MROH7: variants seen among roughly 807,000 people sequenced by gnomAD.
MROH7 encodes maestro heat like repeat family member 7, also known as maestro heat-like repeat-containing protein family member 7.
A neutral mutation model predicts 129.2 loss-of-function variants in MROH7; 113 were observed. The observed-to-expected ratio is 0.87, with a 90% CI of 0.75 to 1.02. The LOEUF (loss-of-function observed/expected upper bound fraction) is 1.02. Ranked by LOEUF, MROH7 falls within the 50% of genes least tolerant of loss-of-function variation. The pLI is 0.00. For missense variants in MROH7, 1,601 were observed against 1,671.3 expected (o/e 0.96, Z 0.73); for synonymous variants, 655 against 667.9 (o/e 0.98, Z 0.30).
intron 3 of MROH7, among the ~76,000 whole-genome samples, chr1:54,656,940 G>T (rs970065488): frequency 6.6e-6 from 1 of 151,864 alleles, no homozygotes; most frequent in Non-Finnish European, 1.5e-5. Flanking sequence ...TAATACCAGT[G>T]CTTTGAGAAG....
chr1:54,697,770 C>A, intron 17 of MROH7: 1 of 671,830 alleles, frequency 1.5e-6, no homozygotes, highest in Non-Finnish European at 2.7e-6. Context: ...TGACACGGTC[C>A]TCTACTTTGG....
chr1:54,679,967 T>C lies in MROH7; in HGVS notation c.2303T>C (p.Leu768Pro). ...CCTCGGGCCCGCCAGGTGGCCCTGC[T>C]GCCCGTCTCCCTCCTGGCTAGCTCC... ...QEPRARQVAL[L>P]PVSLLASSFM... The change falls in exon 13 of 24, where the codon CTG becomes CCG. Residue 768 changes from leucine to proline, a missense_variant. Transcript: ENST00000421030. 1 of 1,614,044 alleles carries C rather than the reference T, an allele frequency of 6.2e-7. No homozygotes were observed. The highest frequency in any genetic ancestry group is 8.5e-7 in the Non-Finnish European group (1 of 1,179,970).
At chr1:54,692,749 C>T (rs566604176) in intron 16 of MROH7, among the ~76,000 whole-genome samples, 188 bp downstream of exon 16, 1 of 152,244 alleles carries the variant, frequency 6.6e-6, no homozygotes, top group African/African-American at 2.4e-5. Flanking sequence ...AAAGATAGCA[C>T]TCACTCTTCA....
At chr1:54,655,015 A>ATT (rs71045202) in intron 3 of MROH7, among the ~76,000 whole-genome samples, 160 of 136,424 alleles carry the variant, frequency 1.2e-3, no homozygotes, top group African/African-American at 3.7e-3. Context: ...TGAGAATCCT[A>ATT]TTTTTTTTTT....
At chr1:54,699,021 T>C (rs1266409655) in intron 17 of MROH7, 2 of 152,062 alleles carry the variant, frequency 1.3e-5, no homozygotes, top group Non-Finnish European at 1.5e-5. Flanking sequence ...CTCAAACTCC[T>C]GACCTCAGGT....
At chr1:54,695,169 C>T (rs937652892) in intron 16 of MROH7, among the ~76,000 whole-genome samples, 3 of 152,324 alleles carry the variant, frequency 2.0e-5, no homozygotes, top group Non-Finnish European at 4.4e-5. Flanking sequence ...GTCTCTTTCC[C>T]ATTCTGGGCT....
intron 22 of MROH7, among the ~76,000 whole-genome samples, chr1:54,708,091 T>C (rs1382067828): frequency 6.6e-6 from 1 of 152,118 alleles, no homozygotes; most frequent in Non-Finnish European, 1.5e-5. Flanking sequence ...ACTTGTTAAA[T>C]TGAATATTCA....
intron 8 of MROH7, among the ~76,000 whole-genome samples, 174 bp from the exon 9 acceptor site, chr1:54,673,527 C>G (rs1308307076): frequency 6.6e-6 from 1 of 152,152 alleles, no homozygotes; most frequent in East Asian, 1.9e-4. Flanking sequence ...TATAGTCTGT[C>G]AGTCCTATTC....
chr1:54,659,546 C>T lies in MROH7; in HGVS notation c.1231+5389C>T, dbSNP rs549192999. ...CTCGGCTCACCACAACCTCTGCCTCCGGGTTCAAGCAATTCTCCTGCCTTA... is the reference window on the plus strand; with the variant it reads ...CTCGGCTCACCACAACCTCTGCCTCTGGGTTCAAGCAATTCTCCTGCCTTA... On this transcript the variant is annotated intron_variant, in intron 3 of 23. Coordinates refer to ENST00000421030, the MANE Select transcript of MROH7 (RefSeq NM_001039464.4). Among the ~76,000 whole-genome samples the T allele has an allele frequency of 6.6e-5, 10 of 151,054 alleles. 1 individual carries two copies. In the South Asian group the frequency reaches 8.4e-4, roughly 13 times the overall value.
intron 1 of MROH7, among the ~76,000 whole-genome samples, chr1:54,649,230 G>A (rs1644517436): frequency 6.6e-6 from 1 of 152,254 alleles, no homozygotes; most frequent in South Asian, 2.1e-4. Flanking sequence ...TTGAGGTGGA[G>A]AAGGGAGGAT....
rs71048705 is a variant in MROH7, at chr1:54,699,159, T to TTTCTTTCTTTCTTTCTTTC, written c.2965-1160_2965-1159insCTTTCTTTCTTTCTTTCTT. The TTTCTTTCTTTCTTTCTTTC allele has an allele frequency of 3.9e-3, 258 of 65,920 alleles. 6 individuals carry two copies. Among genetic ancestry groups the TTTCTTTCTTTCTTTCTTTC allele is most frequent in the African/African-American group, 0.011 (201 of 17,646 alleles). 4.1% of individuals were successfully genotyped at this position (65,920 alleles called of 1,614,324 possible). ...CTTTCTTTCTTTCTTTCTTTCTTTC[T>TTTCTTTCTTTCTTTCTTTC]TTTCTTTCTTTCTTTCTTTCTTTCT... On this transcript the variant is annotated intron_variant, in intron 17 of 23. Coordinates refer to ENST00000421030, the MANE Select transcript of MROH7 (RefSeq NM_001039464.4).
chr1:54,699,151 TTTCTTTC>T lies in MROH7; in HGVS notation c.2965-1167_2965-1161del, dbSNP rs1377008062. 2.7e-4 allele frequency: 19 copies of T among 71,126 alleles called. 1 individual carries two copies. The East Asian group carries it at 3.9e-3, about 15-fold the overall frequency. The allele number at this position is 71,126 out of a possible 1,614,324, so 4.4% of individuals were successfully genotyped here. A position where few individuals can be genotyped will look rare whatever the true frequency, so the allele number is the denominator to read the frequency against. ...CTTTCTTTCTTTCTTTCTTTCTTTC[TTTCTTTC>T]TTTTCTTTCTTTCTTTCTTTCTTTC... On this transcript the variant is annotated intron_variant, in intron 17 of 23. Transcript: ENST00000421030.
intron 3 of MROH7, among the ~76,000 whole-genome samples, chr1:54,660,382 G>T (rs932285861): frequency 6.6e-6 from 1 of 152,168 alleles, no homozygotes; most frequent in Non-Finnish European, 1.5e-5. Flanking sequence ...TTGTATTGGA[G>T]ATTAAGTTCA....
intron 3 of MROH7, chr1:54,663,685 TAAAAAAAAAA>T: frequency 3.6e-6 from 1 of 276,416 alleles, no homozygotes; most frequent in Admixed American, 5.0e-5. Context: ...CCATCAGCTC[TAAAAAAAAAA>T]AAAAAACAAA....
At chr1:54,706,157 T>G (rs890286637) in intron 21 of MROH7, among the ~76,000 whole-genome samples, 1 of 152,128 alleles carries the variant, frequency 6.6e-6, no homozygotes, top group African/African-American at 2.4e-5. Context: ...GCCATGTCCA[T>G]TCCCATCACT....
At chr1:54,682,594 G>A in intron 13 of MROH7, 62 bp from the exon 14 acceptor site, 2 of 1,539,452 alleles carry the variant, frequency 1.3e-6, no homozygotes, top group Non-Finnish European at 1.8e-6. Flanking sequence ...AAAACCATTT[G>A]GAGGCTGGGT....
intron 3 of MROH7, 69 bp downstream of exon 3, chr1:54,654,226 CA>C (rs1290030544): frequency 1.5e-5 from 21 of 1,426,660 alleles, no homozygotes; most frequent in Non-Finnish European, 1.9e-5. Context: ...ACTCTTAGGG[CA>C]GGGAGAGGAG....
intron 18 of MROH7, 91 bp from the exon 19 acceptor site, chr1:54,701,052 A>G: frequency 3.5e-6 from 5 of 1,422,982 alleles, no homozygotes; most frequent in Non-Finnish European, 4.9e-6. Context: ...GGATTGGGCC[A>G]CCAAGTTCAT....
At chr1:54,695,796 G>T (rs1645313184) in intron 17 of MROH7, 1 of 399,288 alleles carries the variant, frequency 2.5e-6, no homozygotes. Flanking sequence ...TGCCCTCAAG[G>T]AATTTTTGGT....
Sources: allele counts gnomAD v4.1 joint callset (sites outside exome capture counted in the v4.1 genomes callset), GRCh38; gene constraint gnomAD v4.1.1; transcripts MANE v1.5; gene names NCBI Gene and HGNC (gene_info 2026-07-23, HGNC 2026-07-21).